Variants in JAKMIP2 observed in about 807,000 individuals in gnomAD.
JAKMIP2 encodes the protein janus kinase and microtubule interacting protein 2.
A neutral mutation model predicts 115.0 loss-of-function variants in JAKMIP2; 25 were observed. The observed-to-expected ratio is 0.22, with a 90% confidence interval of 0.16 to 0.30. The LOEUF is 0.30. Ranked by LOEUF, JAKMIP2 falls within the 10% of genes least tolerant of loss-of-function variation. The probability of loss-of-function intolerance (pLI) is 1.00; values close to 1 mark genes in which losing one functional copy is unlikely to be tolerated. For synonymous variants in JAKMIP2, 334 were observed against 343.6 expected, an observed-to-expected ratio of 0.97 and a Z score of 0.31; for missense variants, 642 against 957.6, an observed-to-expected ratio of 0.67 and a Z score of 4.35.
chr5:147,678,748 ACATTG>A (rs1760104240), intron 1 of JAKMIP2, among the ~76,000 whole-genome samples: 1 of 152,156 alleles, frequency 6.6e-6, no homozygotes, highest in African/African-American at 2.4e-5. Flanking sequence ...TACTTATTTC[ACATTG>A]CATGCCTGTA....
chr5:147,618,621 C>G (rs190725890), intron 18 of JAKMIP2, among the ~76,000 whole-genome samples: 34 of 152,128 alleles, frequency 2.2e-4, no homozygotes, highest in Admixed American at 1.6e-3. Context: ...ACCTGTAATC[C>G]CAGCTACTCT....
At chr5:147,616,107 G>A (rs564332258) in intron 19 of JAKMIP2, among the ~76,000 whole-genome samples, 1 of 152,204 alleles carries the variant, frequency 6.6e-6, no homozygotes, top group East Asian at 1.9e-4. Context: ...GGAGAGAGAA[G>A]AGAAGTAAGG....
chr5:147,701,422 C>G (rs1752321040), intron 1 of JAKMIP2, among the ~76,000 whole-genome samples: 1 of 152,108 alleles, frequency 6.6e-6, no homozygotes, highest in Non-Finnish European at 1.5e-5. Context: ...GGTCTGAATG[C>G]TTTTATCCCC....
chr5:147,692,315 G>A (rs766765477), intron 1 of JAKMIP2, among the ~76,000 whole-genome samples: 1 of 152,138 alleles, frequency 6.6e-6, no homozygotes, highest in Non-Finnish European at 1.5e-5. Context: ...TTAGAGCTCC[G>A]GAAAGAACCA....
chr5:147,699,761 TAGGCAA>T (rs1752251051), intron 1 of JAKMIP2, among the ~76,000 whole-genome samples: 1 of 152,246 alleles, frequency 6.6e-6, no homozygotes, highest in Non-Finnish European at 1.5e-5. Flanking sequence ...ACACTGGGGA[TAGGCAA>T]CAAATGCTAG....
chr5:147,691,535 T>A (rs1251995522), intron 1 of JAKMIP2, among the ~76,000 whole-genome samples: 1 of 152,194 alleles, frequency 6.6e-6, no homozygotes, highest in Non-Finnish European at 1.5e-5. Flanking sequence ...ATGAAAAAAC[T>A]GGGGCTCAGA....
rs1756673147 is a variant in JAKMIP2, at chr5:147,618,141, A to G, written c.2143-27T>C. The G allele has an allele frequency of 3.2e-6, 5 of 1,571,232 alleles. No homozygotes were observed. The East Asian group carries it at 1.1e-4, about 35-fold the overall frequency. On this transcript the variant is annotated intron_variant, in intron 18 of 21. Coordinates refer to ENST00000616793, the MANE Select transcript of JAKMIP2 (RefSeq NM_001270941.2). ...TGGCAAATAGAATTAGAAAAGTCTA[A>G]CTTTGGAACTTGGCATTGATATCTG...
chr5:147,618,086 T>C lies in JAKMIP2; in HGVS notation c.2171A>G (p.Tyr724Cys). The C allele has an allele frequency of 6.2e-7, 1 of 1,614,036 alleles. No individual in the cohort carries two copies. The highest frequency in any genetic ancestry group is 8.5e-7 in the Non-Finnish European group (1 of 1,179,850). ...MRIQELEATL[Y>C]NALQQETVIK... ...AACAGTTTCTTGCTGTAGAGCATTG[T>C]ACAAAGTAGCTTCTAGTTCCTGGAT... Residue 724 changes from tyrosine to cysteine, a missense_variant, in exon 19 of 22, where the codon TAC becomes TGC. Coordinates refer to ENST00000616793, the MANE Select transcript of JAKMIP2 (RefSeq NM_001270941.2).
chr5:147,773,415 C>T (rs1755438878), intron 1 of JAKMIP2, among the ~76,000 whole-genome samples: 1 of 151,798 alleles, frequency 6.6e-6, no homozygotes, highest in Admixed American at 6.6e-5. Flanking sequence ...TGTTTCAAAG[C>T]AAGAGGATTA....
chr5:147,763,839 T>C (rs190171560), intron 1 of JAKMIP2, among the ~76,000 whole-genome samples: 1 of 152,236 alleles, frequency 6.6e-6, no homozygotes, highest in African/African-American at 2.4e-5. Flanking sequence ...AATCAAGAGT[T>C]GGTTATATTT....
At chr5:147,658,393 T>C (rs1261849198) in intron 3 of JAKMIP2, among the ~76,000 whole-genome samples, 1 of 152,196 alleles carries the variant, frequency 6.6e-6, no homozygotes, top group Non-Finnish European at 1.5e-5. Context: ...AAGCTTCATC[T>C]TAGAGGGGCA....
At chr5:147,650,592 A>G (rs562587515) in intron 3 of JAKMIP2, 45 bp from the exon 4 acceptor site, 4 of 1,425,984 alleles carry the variant, frequency 2.8e-6, no homozygotes, top group East Asian at 2.3e-5. Context: ...CAATGCTGTA[A>G]AGAAATACAT....
intron 1 of JAKMIP2, among the ~76,000 whole-genome samples, chr5:147,680,046 A>G (rs1048651376): frequency 5.3e-5 from 8 of 152,220 alleles, no homozygotes; most frequent in Non-Finnish European, 7.3e-5. Flanking sequence ...AAGTTGCTTA[A>G]ACTCTCTAAG....
chr5:147,655,074 G>A (rs1372775518), intron 3 of JAKMIP2, among the ~76,000 whole-genome samples: 1 of 152,164 alleles, frequency 6.6e-6, no homozygotes, highest in Non-Finnish European at 1.5e-5. Context: ...TGGTGGATAA[G>A]CTTTTTGATG....
intron 8 of JAKMIP2, among the ~76,000 whole-genome samples, chr5:147,641,329 G>T (rs1757870087): frequency 6.6e-6 from 1 of 152,196 alleles, no homozygotes; most frequent in Non-Finnish European, 1.5e-5. Flanking sequence ...TGGGAGCATT[G>T]CTATCAATAA....
chr5:147,595,257 T>C (rs1046181114), intron 21 of JAKMIP2, among the ~76,000 whole-genome samples: 1 of 152,208 alleles, frequency 6.6e-6, no homozygotes, highest in Non-Finnish European at 1.5e-5. Context: ...CCCTCCAAAA[T>C]TCATGCTGAA....
intron 19 of JAKMIP2, among the ~76,000 whole-genome samples, chr5:147,614,759 A>G (rs1279538852): frequency 6.6e-6 from 1 of 152,226 alleles, no homozygotes; most frequent in African/African-American, 2.4e-5. Flanking sequence ...GCCCTTTCTT[A>G]GCTCTGCAAC....
At chr5:147,617,727 A>T (rs1480408362) in intron 19 of JAKMIP2, among the ~76,000 whole-genome samples, 184 bp downstream of exon 19, 1 of 152,228 alleles carries the variant, frequency 6.6e-6, no homozygotes, top group Non-Finnish European at 1.5e-5. Flanking sequence ...TCAAGATTGA[A>T]TTATTATAAA....
chr5:147,772,571 T>C (rs1048156909), intron 1 of JAKMIP2, among the ~76,000 whole-genome samples: 4 of 151,876 alleles, frequency 2.6e-5, no homozygotes, highest in African/African-American at 9.7e-5. Flanking sequence ...GAGGAGAAGA[T>C]ATTTTAATAT....
Sources: gnomAD v4.1 joint callset for allele counts (sites outside exome capture counted in the v4.1 genomes callset) on GRCh38, gnomAD v4.1.1 for gene constraint, MANE v1.5 for transcripts, NCBI Gene and HGNC (gene_info 2026-07-23, HGNC 2026-07-21) for gene names.